The following NRP1 variants were observed in gnomAD, a reference collection of about 807,000 sequenced individuals.
NRP1 encodes the protein neuropilin-1.
A neutral mutation model predicts 106.7 loss-of-function variants in NRP1; 35 were observed. The observed-to-expected ratio is 0.33, with a 90% CI of 0.25 to 0.43. NRP1 has a LOEUF of 0.43. Ranked by LOEUF, NRP1 falls within the 20% of genes least tolerant of loss-of-function variation. The pLI, the probability that NRP1 is intolerant of heterozygous loss-of-function variation, is 1.00. For synonymous variants in NRP1, 437 were observed against 417.9 expected (o/e 1.05, Z -0.56); for missense variants, 1,024 against 1,170.4 (o/e 0.87, Z 1.83).
At chr10:33,326,122 T>G (rs769483016) in intron 2 of NRP1, among the ~76,000 whole-genome samples, 68 of 152,208 alleles carry the variant, frequency 4.5e-4, no homozygotes, top group Admixed American at 1.2e-3. Context: ...CTCAGCAGTA[T>G]TTGTCACAAA....
In NRP1 at chr10:33,305,953, G is replaced by C. The variant is rs112118388; in HGVS notation, c.248+24755C>G. ...CCGGCTAATTTTTGTATTTTTAGTAGAGATGGGGTTTCACCATGTTGGCCA... is the reference window on the plus strand; with the variant it reads ...CCGGCTAATTTTTGTATTTTTAGTACAGATGGGGTTTCACCATGTTGGCCA... On this transcript the variant is annotated intron_variant, in intron 2 of 16. Transcript: ENST00000374867. Among the ~76,000 whole-genome samples the C allele has an allele frequency of 5.8e-3, 875 of 152,078 alleles. 11 individuals carry two copies. The highest frequency in any genetic ancestry group is 0.02 in the African/African-American group (817 of 41,484).
At chr10:33,330,405 A>AG (rs1848191322) in intron 2 of NRP1, among the ~76,000 whole-genome samples, 1 of 151,994 alleles carries the variant, frequency 6.6e-6, no homozygotes, top group African/African-American at 2.4e-5. Flanking sequence ...GAAAAAAAAA[A>AG]AAAGAAAGAA....
intron 14 of NRP1, 50 bp from the exon 15 acceptor site, chr10:33,185,774 G>A: frequency 6.8e-7 from 1 of 1,471,546 alleles, no homozygotes; most frequent in Non-Finnish European, 9.5e-7. Context: ...ATCTCACATG[G>A]CAGTGTTTAC....
At chr10:33,218,301 A>G (rs1233777640) in intron 8 of NRP1, among the ~76,000 whole-genome samples, 3 of 151,792 alleles carry the variant, frequency 2.0e-5, no homozygotes, top group Non-Finnish European at 2.9e-5. Flanking sequence ...TATGGTGACA[A>G]ACTCTGAATT....
rs1169163669 is a variant in NRP1, at chr10:33,192,150, A to G, written c.2062+131T>C. ...GACATTGTTAATTCTAGAAAATAATAGCACATGTGAACGCCTGTAGTAATT... is the reference window on the plus strand; with the variant it reads ...GACATTGTTAATTCTAGAAAATAATGGCACATGTGAACGCCTGTAGTAATT... On this transcript the variant is annotated intron_variant, in intron 13 of 16. Coordinates refer to ENST00000374867, the MANE Select transcript of NRP1 (RefSeq NM_003873.7). 4 of 899,130 alleles carry G rather than the reference A, an allele frequency of 4.4e-6. No individual in the cohort carries two copies. In the Admixed American group the frequency reaches 9.8e-5, roughly 22 times the overall value. 55.7% of individuals were successfully genotyped at this position (899,130 alleles called of 1,614,324 possible). A position where few individuals can be genotyped will look rare whatever the true frequency, so the allele number is the denominator to read the frequency against.
At chr10:33,333,207 T>C (rs1335495376) in intron 1 of NRP1, among the ~76,000 whole-genome samples, 1 of 145,868 alleles carries the variant, frequency 6.9e-6, no homozygotes, top group Admixed American at 7.1e-5. Context: ...TTGGGCTCAT[T>C]AATAAGCTGA....
chr10:33,321,410 T>A (rs1033766174), intron 2 of NRP1, among the ~76,000 whole-genome samples: 6 of 152,236 alleles, frequency 3.9e-5, no homozygotes, highest in Non-Finnish European at 8.8e-5. Flanking sequence ...AGATTTTTTT[T>A]AAAAGATAAA....
chr10:33,299,179 G>A (rs563711801), intron 2 of NRP1, among the ~76,000 whole-genome samples: 3 of 152,212 alleles, frequency 2.0e-5, no homozygotes, highest in Admixed American at 6.5e-5. Flanking sequence ...ACGATGCTAC[G>A]CCTTTTCTAG....
chr10:33,288,770 T>C (rs1160448535), intron 2 of NRP1, among the ~76,000 whole-genome samples: 2 of 152,222 alleles, frequency 1.3e-5, no homozygotes, highest in Non-Finnish European at 1.5e-5. Context: ...TGTGAAGCTT[T>C]TCTTTTACTC....
intron 2 of NRP1, among the ~76,000 whole-genome samples, chr10:33,285,594 C>A (rs895417037): frequency 6.6e-6 from 1 of 152,066 alleles, no homozygotes; most frequent in African/African-American, 2.4e-5. Flanking sequence ...ACTTTGGGAG[C>A]TGAGGTGAGA....
At chr10:33,222,085 T>A (rs1839291151) in intron 7 of NRP1, among the ~76,000 whole-genome samples, 1 of 152,186 alleles carries the variant, frequency 6.6e-6, no homozygotes, top group Admixed American at 6.5e-5. Context: ...TCTGAGAGGC[T>A]AGAGTCTTTA....
chr10:33,251,810 T>C (rs1035074559), intron 6 of NRP1, among the ~76,000 whole-genome samples: 1 of 151,980 alleles, frequency 6.6e-6, no homozygotes, highest in East Asian at 1.9e-4. Context: ...TAGTGAGAGC[T>C]CCCCACATTA....
rs1433711748 is a variant in NRP1 at position 33,254,046 on chromosome 10, G to C, written c.963C>G (p.Ser321=). 5 of 1,611,340 alleles carry C rather than the reference G, an allele frequency of 3.1e-6. No individual in the cohort carries two copies. The highest frequency in any genetic ancestry group is 4.2e-6 in the Non-Finnish European group (5 of 1,179,318). The change falls in exon 6 of 17, where the codon TCC becomes TCG. Residue 321 remains serine (S), a synonymous_variant. Coordinates refer to ENST00000374867, the MANE Select transcript of NRP1 (RefSeq NM_003873.7). ...PENGWTPGED[S]YREWIQVDLG... ...TGCATACCTGTATCCACTCTCGGTA[G>C]GAATCCTCTCCGGGAGTCCACCCAT...
intron 9 of NRP1, 72 bp from the exon 10 acceptor site, chr10:33,207,788 C>A: frequency 6.5e-7 from 1 of 1,546,410 alleles, no homozygotes; most frequent in Non-Finnish European, 8.8e-7. Flanking sequence ...ACTGTTTCTT[C>A]CCTCCTTCAG....
rs535985000 is a variant in NRP1 at position 33,280,505 on chromosome 10, T to C, written c.249-9649A>G. On this transcript the variant is annotated intron_variant, in intron 2 of 16. Coordinates refer to ENST00000374867, the MANE Select transcript of NRP1 (RefSeq NM_003873.7). Reference sequence around the variant, plus strand: ...TATTTCATAGAAAATTTTTACTCCTTGCCAACTTTCCACTGTTCTTCAGGG... The same window carrying C: ...TATTTCATAGAAAATTTTTACTCCTCGCCAACTTTCCACTGTTCTTCAGGG... Among the ~76,000 whole-genome samples, 10 of 152,296 alleles carry C rather than the reference T, an allele frequency of 6.6e-5. No homozygotes were observed. In the East Asian group the frequency reaches 1.2e-3, roughly 18 times the overall value.
At position 33,218,415 on chromosome 10, in the gene NRP1, G is replaced by A. The variant is rs374439492; in HGVS notation, c.1282+3304C>T. Among the ~76,000 whole-genome samples, 150 of 149,528 alleles carry A rather than the reference G, an allele frequency of 1.0e-3. 1 individual carries two copies. The highest frequency in any genetic ancestry group is 3.4e-3 in the African/African-American group (137 of 40,528). ...GTGCAGTGGCCAGTGGCACAATCTC[G>A]GCTCACTGCAAGCTCTGCCTCCTGG... On this transcript the variant is annotated intron_variant, in intron 8 of 16. Coordinates refer to ENST00000374867, the MANE Select transcript of NRP1 (RefSeq NM_003873.7).
At chr10:33,226,335 C>T in intron 6 of NRP1, 46 bp from the exon 7 acceptor site, 1 of 1,600,360 alleles carries the variant, frequency 6.2e-7, no homozygotes. Flanking sequence ...CCCTGCAGCA[C>T]AGTAACCCAA....
chr10:33,271,393 TC>T (rs1276760502), intron 2 of NRP1, among the ~76,000 whole-genome samples: 8 of 152,224 alleles, frequency 5.3e-5, no homozygotes, highest in Non-Finnish European at 1.0e-4. Context: ...ACTCCAGACT[TC>T]TTTGAAAATA....
At chr10:33,212,676 A>ATT (rs58249106) in intron 9 of NRP1, 9 of 150,160 alleles carry the variant, frequency 6.0e-5, no homozygotes, top group African/African-American at 1.7e-4. Flanking sequence ...ATCACAATTA[A>ATT]TTTTTTTTTT....
Sources: gnomAD v4.1 joint callset for allele counts (sites outside exome capture counted in the v4.1 genomes callset) on GRCh38, gnomAD v4.1.1 for gene constraint, MANE v1.5 for transcripts, NCBI Gene and HGNC (gene_info 2026-07-23, HGNC 2026-07-21) for gene names.